The following CEP76 variants were observed in gnomAD, a reference collection of about 807,000 sequenced individuals.
CEP76 encodes centrosomal protein of 76 kDa.
In CEP76, 55 loss-of-function variants were observed where a neutral mutation model predicts 83.3. The observed-to-expected ratio is 0.66, with a 90% confidence interval of 0.53 to 0.83. The LOEUF is 0.83. Among genes scored for constraint, CEP76 ranks in the 40% least tolerant of loss-of-function variants. The probability of loss-of-function intolerance (pLI) is 0.00; values close to 1 mark genes in which losing one functional copy is unlikely to be tolerated. For synonymous variants in CEP76, 270 were observed against 274.5 expected (o/e 0.98, Z 0.16); for missense variants, 694 against 799.5 (o/e 0.87, Z 1.59).
At chr18:12,662,069 A>G (rs2038702481) in exon 13 of CEP76, 1 of 383,604 alleles carries the variant, frequency 2.6e-6, no homozygotes, top group Admixed American at 3.6e-5. Context: ...CTCTGGAGGT[A>G]CTGGCTGTGC....
chr18:12,693,793 C>CA (rs965214404), intron 6 of CEP76, among the ~76,000 whole-genome samples: 1 of 151,938 alleles, frequency 6.6e-6, no homozygotes, highest in Non-Finnish European at 1.5e-5. Context: ...AAAAAACAAA[C>CA]AAAAAAACCC....
At chr18:12,672,146 G>A (rs900367469), downstream of CEP76, among the ~76,000 whole-genome samples, 9 of 138,880 alleles carry the variant, frequency 6.5e-5, no homozygotes, top group East Asian at 4.3e-4. Flanking sequence ...ATGCAGTCTC[G>A]CTCTGCCTCC....
chr18:12,697,689 TAACTA>T lies in CEP76; in HGVS notation c.521-286_521-282del, dbSNP rs146307425. The stretch of plus-strand genomic sequence containing the variant: ...GATAAGTCTGTTCTTTAAAAGTACT[TAACTA>T]AAGTATATGCTACTACAATAAAAAG... On this transcript the variant is annotated intron_variant, in intron 4 of 11. Coordinates refer to ENST00000262127, the MANE Select transcript of CEP76 (RefSeq NM_024899.4). Among the ~76,000 whole-genome samples the T allele has an allele frequency of 2.5e-3, 380 of 152,292 alleles. 3 individuals are homozygous for T. The highest frequency in any genetic ancestry group is 8.8e-3 in the African/African-American group (364 of 41,572).
At chr18:12,701,695 G>A (rs370763802) in intron 1 of CEP76, among the ~76,000 whole-genome samples, 87 of 152,222 alleles carry the variant, frequency 5.7e-4, no homozygotes, top group African/African-American at 1.8e-3. Context: ...AGAAACTGGA[G>A]GTTCTTCTGG....
intron 5 of CEP76, among the ~76,000 whole-genome samples, 164 bp from the exon 6 acceptor site, chr18:12,695,515 T>C (rs1369196408): frequency 6.6e-6 from 1 of 152,162 alleles, no homozygotes; most frequent in Non-Finnish European, 1.5e-5. Context: ...ATGAACCAAA[T>C]CAATTTTTTT....
chr18:12,697,492 A>C, intron 4 of CEP76, 84 bp from the exon 5 acceptor site: 1 of 932,066 alleles, frequency 1.1e-6, no homozygotes, highest in Non-Finnish European at 1.6e-6. Flanking sequence ...TAAACAGTAA[A>C]TAATAAGCTT....
At chr18:12,664,698 C>CTTTT (rs76222169) in intron 12 of CEP76, among the ~76,000 whole-genome samples, 1 of 137,620 alleles carries the variant, frequency 7.3e-6, no homozygotes, top group Non-Finnish European at 1.6e-5. Context: ...TTGTCCTGAT[C>CTTTT]TTTTTTTTTT....
intron 10 of CEP76, 117 bp from the exon 11 acceptor site, chr18:12,674,870 T>C (rs914680115): frequency 1.8e-6 from 1 of 543,206 alleles, no homozygotes; most frequent in Admixed American, 3.6e-5. Flanking sequence ...AAAGCTATCA[T>C]AATATTTTAA....
chr18:12,682,758 A>C (rs2039396169), intron 8 of CEP76, among the ~76,000 whole-genome samples: 1 of 151,928 alleles, frequency 6.6e-6, no homozygotes, highest in Non-Finnish European at 1.5e-5. Flanking sequence ...AGTAGCTAGG[A>C]CTACAGGCGT....
intron 9 of CEP76, 108 bp from the exon 10 acceptor site, chr18:12,678,550 A>G (rs764328996): frequency 1.1e-4 from 74 of 655,834 alleles, no homozygotes; most frequent in Non-Finnish European, 1.6e-4. Context: ...TCTCAGAACT[A>G]CAGTTTAATA....
intron 7 of CEP76, among the ~76,000 whole-genome samples, chr18:12,690,649 G>T (rs1235024423): frequency 6.6e-6 from 1 of 152,014 alleles, no homozygotes; most frequent in African/African-American, 2.4e-5. Context: ...TAGAAACGGG[G>T]TTTCACCGTG....
At chr18:12,702,771 A>C (rs2040204562), upstream of CEP76, 1 of 582,968 alleles carries the variant, frequency 1.7e-6, no homozygotes, top group Non-Finnish European at 3.0e-6. Context: ...AGTGGCGGAC[A>C]AACAGGGCTT....
Position 12,699,914 on chromosome 18 carries a change from G to A in CEP76, c.220-9C>T, listed in dbSNP as rs757214158. ...TCTTGCTCAACACTGTCCTAGAAAG[G>A]CAGGAAAAAAAAATCAAAACAAATT... On this transcript the variant is annotated splice_polypyrimidine_tract_variant and intron_variant, in intron 2 of 11. Coordinates refer to ENST00000262127, the MANE Select transcript of CEP76 (RefSeq NM_024899.4). 4 of 1,549,438 alleles carry A rather than the reference G, an allele frequency of 2.6e-6. No homozygotes were observed. Among genetic ancestry groups the A allele is most frequent in the Admixed American group, 4.0e-5 (2 of 50,440 alleles).
At position 12,673,308 on chromosome 18, in the gene CEP76, G is replaced by T; in HGVS notation, c.*57C>A. 1 of 1,556,664 alleles carries T rather than the reference G, an allele frequency of 6.4e-7. No individual in the cohort carries two copies. The highest frequency in any genetic ancestry group is 8.6e-7 in the Non-Finnish European group (1 of 1,159,342). ...ACAAACCTCTAAATAGCTAAGTAAT[G>T]TACAATGTGTAAAATTCCAATTAAA... On this transcript the variant is annotated 3_prime_UTR_variant, in exon 12 of 12. Transcript: ENST00000262127.
chr18:12,684,087 C>T (rs1464048198), intron 8 of CEP76, among the ~76,000 whole-genome samples: 1 of 150,982 alleles, frequency 6.6e-6, no homozygotes, highest in African/African-American at 2.4e-5. Context: ...TGCAGTGGCG[C>T]GATCTCAGCT....
intron 11 of CEP76, 80 bp from the exon 12 acceptor site, chr18:12,673,583 A>G: frequency 8.0e-7 from 1 of 1,250,596 alleles, no homozygotes; most frequent in Admixed American, 2.6e-5. Context: ...ATCAGTATTT[A>G]AAATAATTTT....
At chr18:12,681,098 C>T (rs981500526) in intron 8 of CEP76, among the ~76,000 whole-genome samples, 8 of 150,648 alleles carry the variant, frequency 5.3e-5, no homozygotes, top group African/African-American at 1.7e-4. Flanking sequence ...ACTCAGGAGG[C>T]GAGGCAAGAG....
At chr18:12,700,332 G>C (rs2040108799) in intron 2 of CEP76, 1 of 153,020 alleles carries the variant, frequency 6.5e-6, no homozygotes, top group African/African-American at 2.4e-5. Flanking sequence ...ACCAAAAAAA[G>C]GTGCTGTATT....
intron 4 of CEP76, 110 bp from the exon 5 acceptor site, chr18:12,697,518 G>A: frequency 1.4e-6 from 1 of 737,084 alleles, no homozygotes; most frequent in Non-Finnish European, 2.1e-6. Context: ...AAACCAAAGA[G>A]AACAATTTGC....
Sources: allele counts gnomAD v4.1 joint callset (sites outside exome capture counted in the v4.1 genomes callset), GRCh38; gene constraint gnomAD v4.1.1; transcripts MANE v1.5; gene names NCBI Gene and HGNC (gene_info 2026-07-23, HGNC 2026-07-21).